Variants in MAST4 observed in about 807,000 individuals in gnomAD.
MAST4 encodes microtubule-associated serine/threonine-protein kinase 4.
MAST4 carries 89 observed loss-of-function variants against 162.7 expected under a neutral mutation model. That is an observed-to-expected ratio of 0.55 (90% CI 0.46 to 0.65). MAST4 has a LOEUF of 0.65. MAST4 is among the 30% of genes least tolerant of loss of function. MAST4 has a pLI of 0.00. For synonymous variants in MAST4, 1,479 were observed against 1,361.1 expected (o/e 1.09, Z -1.91); for missense variants, 3,153 against 3,374.0 (o/e 0.93, Z 1.62).
At chr5:66,993,621 G>C (rs561172187) in intron 4 of MAST4, among the ~76,000 whole-genome samples, 1 of 152,274 alleles carries the variant, frequency 6.6e-6, no homozygotes, top group East Asian at 1.9e-4. Flanking sequence ...AGAGGAGCTG[G>C]AAATTCTAGG....
At chr5:66,629,847 C>G (rs758041197) in intron 1 of MAST4, among the ~76,000 whole-genome samples, 1 of 152,122 alleles carries the variant, frequency 6.6e-6, no homozygotes, top group African/African-American at 2.4e-5. Context: ...GTTTTATTAT[C>G]GCTTCTTGGC....
At position 67,163,522 on chromosome 5, in the gene MAST4, A is replaced by G. The variant is rs1289871604; in HGVS notation, c.4343A>G (p.Glu1448Gly). 1.2e-6 allele frequency: 2 copies of G among 1,608,620 alleles called. No individual in the cohort carries two copies. The highest frequency in any genetic ancestry group is 1.7e-6 in the Non-Finnish European group (2 of 1,177,696). The stretch of plus-strand genomic sequence containing the variant: ...CTGCTCAAGCGCGTGCAGTCCGAGG[A>G]GAAGCTGTCGCCCTCTTACGGCAGT... ...SPLLKRVQSEEKLSPSYGSDK... is the reference protein window; with the variant it reads ...SPLLKRVQSEGKLSPSYGSDK... The change falls in exon 29 of 29, where the codon GAG becomes GGG. Residue 1448 changes from glutamate (E) to glycine (G), a missense_variant. Glu to Gly is a moderately conservative substitution (Grantham distance 98, BLOSUM62 -2). Coordinates refer to ENST00000403625, the MANE Select transcript of MAST4 (RefSeq NM_001164664.2). This position sits in a 1 kb window ranked among gnomAD's most constrained non-coding sequence, Gnocchi z 7.0.
intron 3 of MAST4, among the ~76,000 whole-genome samples, chr5:66,881,702 T>C (rs570887078): frequency 2.6e-5 from 4 of 152,164 alleles, no homozygotes; most frequent in Non-Finnish European, 4.4e-5. Context: ...TAGGAAATAT[T>C]TTAAATTTAA....
chr5:66,913,500 G>A (rs755142049), intron 4 of MAST4, among the ~76,000 whole-genome samples: 2 of 151,852 alleles, frequency 1.3e-5, no homozygotes, highest in Non-Finnish European at 2.9e-5. Context: ...TTGAATGACT[G>A]TGTCAGTTTC....
chr5:66,794,293 A>G (rs1021930474), intron 3 of MAST4, among the ~76,000 whole-genome samples: 1 of 151,964 alleles, frequency 6.6e-6, no homozygotes, highest in African/African-American at 2.4e-5. Context: ...TCTGCCATTT[A>G]TTAGCCTCAG....
At chr5:66,638,346 C>A (rs1166509786) in intron 1 of MAST4, among the ~76,000 whole-genome samples, 1 of 152,170 alleles carries the variant, frequency 6.6e-6, no homozygotes, top group Non-Finnish European at 1.5e-5. Flanking sequence ...GTTTCCTTTT[C>A]TGTGCTGGCA....
intron 4 of MAST4, among the ~76,000 whole-genome samples, chr5:66,953,052 G>T (rs942804209): frequency 6.6e-6 from 1 of 152,182 alleles, no homozygotes; most frequent in Non-Finnish European, 1.5e-5. Context: ...TGAACGATAT[G>T]AGCTGTTGAG....
chr5:67,052,548 T>G (rs927353158), intron 4 of MAST4, among the ~76,000 whole-genome samples: 5 of 152,118 alleles, frequency 3.3e-5, no homozygotes, highest in Non-Finnish European at 7.4e-5. Context: ...TCTTAGAAAT[T>G]TTTTAAGTTT....
intron 3 of MAST4, among the ~76,000 whole-genome samples, chr5:66,850,707 A>G (rs527423962): frequency 5.3e-5 from 8 of 152,274 alleles, no homozygotes; most frequent in East Asian, 1.9e-4. Flanking sequence ...GTGTCTCATT[A>G]TATGCAAATA....
rs1034692284 is a variant in MAST4 at position 66,853,105 on chromosome 5, T to C, written c.643-46846T>C. Among the ~76,000 whole-genome samples the C allele has an allele frequency of 2.6e-5, 4 of 152,348 alleles. No homozygotes were observed. The South Asian group carries it at 8.3e-4, about 32-fold the overall frequency. On this transcript the variant is annotated intron_variant, in intron 3 of 28. Coordinates refer to ENST00000403625, the MANE Select transcript of MAST4 (RefSeq NM_001164664.2). ...TTAGTTCATGGCCTTGTGCCATGAC[T>C]GGTAGAGTCAAGTTATTGCTTCTAA...
intron 4 of MAST4, among the ~76,000 whole-genome samples, chr5:66,978,792 A>G (rs2860038): frequency 0.16 from 24,795 of 152,178 alleles, 3,560 homozygotes; most frequent in African/African-American, 0.39. Flanking sequence ...GGAACATTGG[A>G]AATAGACTAT....
At chr5:67,058,076 T>C (rs561075125) in intron 5 of MAST4, among the ~76,000 whole-genome samples, 3 of 151,838 alleles carry the variant, frequency 2.0e-5, no homozygotes, top group African/African-American at 7.2e-5. Context: ...CTCTACAAAA[T>C]TTCTAAAAAT....
chr5:66,852,430 G>A (rs1440509783), intron 3 of MAST4, among the ~76,000 whole-genome samples: 1 of 152,148 alleles, frequency 6.6e-6, no homozygotes, highest in East Asian at 1.9e-4. Context: ...ACAGGTATGA[G>A]CCACCGTGCC....
chr5:67,016,963 G>C (rs1271436610), intron 4 of MAST4, among the ~76,000 whole-genome samples: 4 of 152,210 alleles, frequency 2.6e-5, no homozygotes, highest in Non-Finnish European at 5.9e-5. Flanking sequence ...GGAGATTTTA[G>C]AGATGATTTA....
chr5:66,734,371 C>G (rs1236311140), intron 1 of MAST4, among the ~76,000 whole-genome samples: 1 of 152,172 alleles, frequency 6.6e-6, no homozygotes, highest in African/African-American at 2.4e-5. Flanking sequence ...AGCTCCTGAA[C>G]TTGAATATCA....
chr5:66,869,737 G>A (rs1369773586), intron 3 of MAST4, among the ~76,000 whole-genome samples: 1 of 152,122 alleles, frequency 6.6e-6, no homozygotes, highest in Non-Finnish European at 1.5e-5. Flanking sequence ...ATCTAAGGAG[G>A]TCTTTTCACC....
At chr5:67,142,705 A>G in intron 21 of MAST4, 172 bp downstream of exon 21, 1 of 576,066 alleles carries the variant, frequency 1.7e-6, no homozygotes, top group Non-Finnish European at 3.1e-6. Context: ...GTCTGTCCCT[A>G]TCCCCTAGGC....
intron 18 of MAST4, among the ~76,000 whole-genome samples, chr5:67,135,425 T>C (rs1485082068): frequency 6.6e-6 from 1 of 152,216 alleles, no homozygotes; most frequent in South Asian, 2.1e-4. Context: ...ATCTTGAAAG[T>C]TTGTCAGGCA....
chr5:66,979,973 G>A (rs547405341), intron 4 of MAST4, among the ~76,000 whole-genome samples: 2 of 151,838 alleles, frequency 1.3e-5, no homozygotes, highest in Non-Finnish European at 2.9e-5. Context: ...TTAATTTGTC[G>A]AGGGAAAATC....
Sources: allele counts gnomAD v4.1 joint callset (sites outside exome capture counted in the v4.1 genomes callset), GRCh38; gene constraint gnomAD v4.1.1; non-coding constraint Gnocchi (gnomAD v3.1); transcripts MANE v1.5; gene names NCBI Gene and HGNC (gene_info 2026-07-23, HGNC 2026-07-21).